Variants in LRRC4C observed in about 807,000 individuals in gnomAD.
LRRC4C encodes the protein leucine-rich repeat-containing protein 4C.
A neutral mutation model predicts 33.6 loss-of-function variants in LRRC4C; 5 were observed. That is an observed-to-expected ratio of 0.15 (90% confidence interval 0.08 to 0.31). LRRC4C has a LOEUF of 0.31. Ranked by LOEUF, LRRC4C falls within the 10% of genes least tolerant of loss-of-function variation. The probability of loss-of-function intolerance (pLI) is 1.00; values close to 1 mark genes in which losing one functional copy is unlikely to be tolerated. For missense variants in LRRC4C, 560 were observed against 796.7 expected, an observed-to-expected ratio of 0.70 and a Z score of 3.58; for synonymous variants, 329 against 302.0, an observed-to-expected ratio of 1.09 and a Z score of -0.93.
chr11:41,142,309 G>T (rs769558576), intron 1 of LRRC4C, among the ~76,000 whole-genome samples: 3 of 152,150 alleles, frequency 2.0e-5, no homozygotes, highest in Non-Finnish European at 2.9e-5. Context: ...TTACAGTTCA[G>T]AACACAGCAG....
At chr11:41,297,492 T>C (rs987448293) in intron 1 of LRRC4C, among the ~76,000 whole-genome samples, 2 of 152,106 alleles carry the variant, frequency 1.3e-5, no homozygotes, top group African/African-American at 4.8e-5. Context: ...ATAAAGTTAA[T>C]GAAGAAGAGG....
chr11:41,173,955 T>G (rs1428042059), intron 1 of LRRC4C, among the ~76,000 whole-genome samples: 1 of 152,108 alleles, frequency 6.6e-6, no homozygotes, highest in Non-Finnish European at 1.5e-5. Context: ...TTATCAGAAA[T>G]CACAAGCTTC....
intron 1 of LRRC4C, chr11:41,424,031 C>T (rs1954957908): frequency 6.6e-6 from 1 of 152,098 alleles, no homozygotes; most frequent in South Asian, 2.1e-4. Context: ...TCTGGTATAT[C>T]TTTATCAGCA....
intron 1 of LRRC4C, among the ~76,000 whole-genome samples, chr11:41,124,819 G>A (rs917924394): frequency 1.3e-5 from 2 of 152,134 alleles, no homozygotes; most frequent in Non-Finnish European, 2.9e-5. Context: ...AGGAGCCAGA[G>A]TGGGCTTTTT....
intron 3 of LRRC4C, among the ~76,000 whole-genome samples, chr11:40,345,298 A>G (rs1947073482): frequency 2.0e-5 from 3 of 152,194 alleles, no homozygotes; most frequent in African/African-American, 7.2e-5. Context: ...TCTTCAAACT[A>G]CACTACAAGG....
At chr11:40,816,944 G>A (rs773799356) in intron 2 of LRRC4C, among the ~76,000 whole-genome samples, 2 of 152,084 alleles carry the variant, frequency 1.3e-5, no homozygotes, top group Non-Finnish European at 2.9e-5. Flanking sequence ...TATCTATAAC[G>A]TAAAGACAGG....
chr11:40,709,580 A>G (rs1167061452), intron 2 of LRRC4C, among the ~76,000 whole-genome samples: 1 of 152,120 alleles, frequency 6.6e-6, no homozygotes, highest in Non-Finnish European at 1.5e-5. Flanking sequence ...ATCTGCTGTT[A>G]GTCTGATGGG....
chr11:41,441,960 T>G (rs1955633606), intron 1 of LRRC4C, among the ~76,000 whole-genome samples: 1 of 152,172 alleles, frequency 6.6e-6, no homozygotes, highest in South Asian at 2.1e-4. Flanking sequence ...AATAATGCAA[T>G]CATCATTAGT....
chr11:40,876,260 GTTTT>G (rs34351895), intron 2 of LRRC4C, among the ~76,000 whole-genome samples: 7 of 91,318 alleles, frequency 7.7e-5, no homozygotes, highest in Admixed American at 3.0e-4. Flanking sequence ...CTCAGTTAGG[GTTTT>G]TTTTTTTTTT....
intron 5 of LRRC4C, among the ~76,000 whole-genome samples, chr11:40,185,169 G>A (rs979823139): frequency 1.3e-5 from 2 of 152,162 alleles, no homozygotes; most frequent in Non-Finnish European, 2.9e-5. Flanking sequence ...TAGCTTTTGG[G>A]ATGTTTCCAT....
At chr11:40,574,704 T>C (rs1958115350) in intron 3 of LRRC4C, among the ~76,000 whole-genome samples, 1 of 152,208 alleles carries the variant, frequency 6.6e-6, no homozygotes, top group Non-Finnish European at 1.5e-5. Context: ...CTGGCTCCAA[T>C]TGCTGGCTGC....
chr11:41,340,382 A>C (rs16935621), intron 1 of LRRC4C, among the ~76,000 whole-genome samples: 1,821 of 152,260 alleles, frequency 0.012, 38 homozygotes, highest in African/African-American at 0.042. Context: ...CTAAATTTTC[A>C]TGAGAGTATA....
intron 1 of LRRC4C, among the ~76,000 whole-genome samples, chr11:41,196,220 C>G (rs1423372866): frequency 6.6e-6 from 1 of 152,040 alleles, no homozygotes; most frequent in East Asian, 1.9e-4. Context: ...ATGTGTTACA[C>G]TGGACTTTTT....
intron 3 of LRRC4C, among the ~76,000 whole-genome samples, chr11:40,376,051 T>A (rs1948647269): frequency 6.6e-6 from 1 of 152,146 alleles, no homozygotes; most frequent in South Asian, 2.1e-4. Context: ...CAACTAATAC[T>A]CTTGTGCATG....
chr11:41,053,995 G>T (rs1026133843), intron 1 of LRRC4C, among the ~76,000 whole-genome samples: 1 of 152,132 alleles, frequency 6.6e-6, no homozygotes, highest in South Asian at 2.1e-4. Flanking sequence ...ATTGTTCATT[G>T]AGTCATAGGT....
At chr11:40,372,332 T>A (rs1948485793) in intron 3 of LRRC4C, among the ~76,000 whole-genome samples, 1 of 152,140 alleles carries the variant, frequency 6.6e-6, no homozygotes, top group Admixed American at 6.6e-5. Context: ...GACCTTGTAA[T>A]CATTTGATGG....
At chr11:41,425,416 C>T (rs868710531) in intron 1 of LRRC4C, among the ~76,000 whole-genome samples, 16 of 152,114 alleles carry the variant, frequency 1.1e-4, no homozygotes, top group South Asian at 1.0e-3. Context: ...GATGAATTAC[C>T]GTTCTGGGCC....
At chr11:40,428,066 C>T (rs1198863784) in intron 3 of LRRC4C, among the ~76,000 whole-genome samples, 7 of 152,150 alleles carry the variant, frequency 4.6e-5, no homozygotes, top group Admixed American at 4.6e-4. Context: ...TTGCTTCCTT[C>T]TAAAAAATAA....
intron 1 of LRRC4C, among the ~76,000 whole-genome samples, chr11:41,217,510 G>C (rs1289087681): frequency 6.6e-6 from 1 of 152,102 alleles, no homozygotes; most frequent in Non-Finnish European, 1.5e-5. Flanking sequence ...ATGCTAACTT[G>C]AGAAAAAGTA....
Sources: allele counts gnomAD v4.1 joint callset (sites outside exome capture counted in the v4.1 genomes callset), GRCh38; gene constraint gnomAD v4.1.1; transcripts MANE v1.5; gene names NCBI Gene and HGNC (gene_info 2026-07-23, HGNC 2026-07-21).